ZNF804A: variants seen among roughly 807,000 people sequenced by gnomAD.
ZNF804A encodes zinc finger protein 804A.
Under a neutral mutation model 16.5 loss-of-function variants are expected in ZNF804A, and 2 were observed. The observed-to-expected ratio is 0.12, with a 90% CI of 0.05 to 0.38. The LOEUF (loss-of-function observed/expected upper bound fraction) is 0.38, where lower values mean the gene tolerates loss of function less well. Ranked by LOEUF, ZNF804A falls within the 10% of genes least tolerant of loss-of-function variation. The pLI, the probability that ZNF804A is intolerant of heterozygous loss-of-function variation, is 0.99. For synonymous variants in ZNF804A, 534 were observed against 489.6 expected, an observed-to-expected ratio of 1.09 and a Z score of -1.20; for missense variants, 1,473 against 1,390.7, an observed-to-expected ratio of 1.06 and a Z score of -0.94.
intron 1 of ZNF804A, among the ~76,000 whole-genome samples, chr2:184,637,148 C>G (rs776431657): frequency 6.6e-6 from 1 of 151,996 alleles, no homozygotes; most frequent in African/African-American, 2.4e-5. Context: ...AATTAAAAAC[C>G]TCTTTTTAGA....
chr2:184,657,137 T>G (rs571597716), intron 1 of ZNF804A, among the ~76,000 whole-genome samples: 1 of 152,142 alleles, frequency 6.6e-6, no homozygotes, highest in Non-Finnish European at 1.5e-5. Context: ...CAGGCTGGAG[T>G]GCAGTAGCGA....
intron 1 of ZNF804A, among the ~76,000 whole-genome samples, chr2:184,757,821 A>T (rs977342082): frequency 2.6e-5 from 4 of 152,158 alleles, no homozygotes; most frequent in East Asian, 1.9e-4. Flanking sequence ...AACAATAAAA[A>T]TATCTAATGT....
At chr2:184,866,295 A>T in intron 1 of ZNF804A, 74 bp from the exon 2 acceptor site, 1 of 1,408,678 alleles carries the variant, frequency 7.1e-7, no homozygotes, top group Non-Finnish European at 9.9e-7. Flanking sequence ...ATTGTACTAT[A>T]GTTGACAACT....
intron 1 of ZNF804A, among the ~76,000 whole-genome samples, chr2:184,695,354 G>A (rs1419207278): frequency 2.6e-5 from 4 of 151,350 alleles, no homozygotes; most frequent in East Asian, 2.0e-4. Flanking sequence ...CCAGCTACTC[G>A]GGAGGCTGAG....
intron 2 of ZNF804A, among the ~76,000 whole-genome samples, chr2:184,915,940 C>T (rs879451191): frequency 8.5e-5 from 13 of 152,152 alleles, no homozygotes; most frequent in Non-Finnish European, 1.8e-4. Flanking sequence ...CAAAATTACA[C>T]ATTAATGTGT....
chr2:184,853,122 G>A (rs946913654), intron 1 of ZNF804A, among the ~76,000 whole-genome samples: 4 of 151,684 alleles, frequency 2.6e-5, no homozygotes, highest in African/African-American at 4.8e-5. Flanking sequence ...TCTTTCATCA[G>A]TGCTTTAAAG....
chr2:184,936,172 T>A lies in ZNF804A; in HGVS notation c.776T>A (p.Leu259His). Residue 259 changes from leucine to histidine, a missense_variant, in exon 4 of 4, where the codon CTT (leucine) becomes CAT (histidine). Physicochemically the swap from Leu to His is moderately conservative, Grantham distance 99. Coordinates refer to ENST00000302277, the MANE Select transcript of ZNF804A (RefSeq NM_194250.2). ...AGATTTGTCCCCAGTGCTTGTCATC[T>A]TCAACAATCTTCACCAACAGATGTG... ...KSRFVPSACHLQQSSPTDVLL... is the reference protein window; with the variant it reads ...KSRFVPSACHHQQSSPTDVLL... 1 of 1,614,094 alleles carries A rather than the reference T, an allele frequency of 6.2e-7. No individual in the cohort carries two copies. Among genetic ancestry groups the A allele is most frequent in the Non-Finnish European group, 8.5e-7 (1 of 1,179,954 alleles).
intron 1 of ZNF804A, among the ~76,000 whole-genome samples, chr2:184,790,716 G>A (rs1694526069): frequency 6.6e-6 from 1 of 151,994 alleles, no homozygotes; most frequent in East Asian, 1.9e-4. Context: ...CCATTCTCCT[G>A]CCTCAGCCTC....
At chr2:184,605,258 C>G (rs1314325565) in intron 1 of ZNF804A, among the ~76,000 whole-genome samples, 1 of 152,020 alleles carries the variant, frequency 6.6e-6, no homozygotes, top group Non-Finnish European at 1.5e-5. Context: ...TGGTGTACTG[C>G]AACAAAAATT....
At chr2:184,612,467 T>C (rs1691254283) in intron 1 of ZNF804A, among the ~76,000 whole-genome samples, 1 of 151,528 alleles carries the variant, frequency 6.6e-6, no homozygotes, top group South Asian at 2.1e-4. Context: ...GGACGGAGTC[T>C]TGCTCTTGTT....
chr2:184,809,101 A>G (rs769966201), intron 1 of ZNF804A, among the ~76,000 whole-genome samples: 2 of 151,900 alleles, frequency 1.3e-5, no homozygotes, highest in Non-Finnish European at 2.9e-5. Flanking sequence ...CTGTTAGGCA[A>G]TGTTTGGGGA....
intron 2 of ZNF804A, among the ~76,000 whole-genome samples, chr2:184,877,894 G>T (rs1684734508): frequency 6.6e-6 from 1 of 152,024 alleles, no homozygotes; most frequent in East Asian, 1.9e-4. Context: ...AAAATAAAGA[G>T]AGAAACAAAG....
At chr2:184,641,374 T>A (rs951017817) in intron 1 of ZNF804A, among the ~76,000 whole-genome samples, 1 of 152,138 alleles carries the variant, frequency 6.6e-6, no homozygotes. Context: ...TAATCTATAA[T>A]GACAGAAAGC....
At chr2:184,850,243 G>T (rs908584146) in intron 1 of ZNF804A, among the ~76,000 whole-genome samples, 2 of 151,880 alleles carry the variant, frequency 1.3e-5, no homozygotes, top group Non-Finnish European at 2.9e-5. Flanking sequence ...CTAACACAAA[G>T]AAATGATGAA....
At chr2:184,686,424 T>C (rs904479299) in intron 1 of ZNF804A, among the ~76,000 whole-genome samples, 2 of 152,200 alleles carry the variant, frequency 1.3e-5, no homozygotes, top group African/African-American at 4.8e-5. Context: ...TGTACCACAC[T>C]TTCTTTATCT....
At chr2:184,643,400 G>A (rs1364060121) in intron 1 of ZNF804A, among the ~76,000 whole-genome samples, 1 of 151,894 alleles carries the variant, frequency 6.6e-6, no homozygotes, top group Non-Finnish European at 1.5e-5. Context: ...GTAATGTTGT[G>A]AAGAATGTAC....
At chr2:184,683,618 G>A (rs1395680142) in intron 1 of ZNF804A, among the ~76,000 whole-genome samples, 2 of 152,112 alleles carry the variant, frequency 1.3e-5, no homozygotes, top group African/African-American at 4.8e-5. Flanking sequence ...TCCTAAAGCA[G>A]AGTTGCTAAA....
chr2:184,642,827 T>C (rs1435159934), intron 1 of ZNF804A, among the ~76,000 whole-genome samples: 1 of 152,172 alleles, frequency 6.6e-6, no homozygotes, highest in African/African-American at 2.4e-5. Flanking sequence ...TCCTGTATTC[T>C]AATAAAGCTA....
intron 1 of ZNF804A, among the ~76,000 whole-genome samples, chr2:184,682,689 G>T (rs1183387940): frequency 6.6e-6 from 1 of 152,178 alleles, no homozygotes; most frequent in Non-Finnish European, 1.5e-5. Flanking sequence ...TCTGAATTTT[G>T]TGGCGTTTAC....
Sources: gnomAD v4.1 joint callset for allele counts (sites outside exome capture counted in the v4.1 genomes callset) on GRCh38, gnomAD v4.1.1 for gene constraint, MANE v1.5 for transcripts, NCBI Gene and HGNC (gene_info 2026-07-23, HGNC 2026-07-21) for gene names.